Variants in CACNB2 observed in about 807,000 individuals in gnomAD.
CACNB2 encodes the protein calcium voltage-gated channel auxiliary subunit beta 2.
CACNB2 carries 42 observed loss-of-function variants against 73.3 expected under a neutral mutation model. That is an observed-to-expected ratio of 0.57 (90% confidence interval 0.45 to 0.74). The LOEUF is 0.74. Among genes scored for constraint, CACNB2 ranks in the 30% least tolerant of loss-of-function variants. CACNB2 has a pLI of 0.00. For missense variants in CACNB2, 940 were observed against 853.0 expected (o/e 1.10, Z -1.27); for synonymous variants, 348 against 310.3 (o/e 1.12, Z -1.28).
At chr10:18,190,422 T>C (rs532231387) in intron 2 of CACNB2, among the ~76,000 whole-genome samples, 9 of 152,176 alleles carry the variant, frequency 5.9e-5, no homozygotes, top group African/African-American at 2.2e-4. Context: ...GAGTGACCCT[T>C]CTGTGTAAGA....
chr10:18,535,655 C>A (rs1402580059), intron 11 of CACNB2, among the ~76,000 whole-genome samples: 3 of 139,472 alleles, frequency 2.2e-5, no homozygotes. Flanking sequence ...TGCCTGTAGT[C>A]CTAGCTACTT....
At chr10:18,349,826 A>C (rs777113363) in intron 2 of CACNB2, among the ~76,000 whole-genome samples, 4 of 152,224 alleles carry the variant, frequency 2.6e-5, no homozygotes, top group Non-Finnish European at 5.9e-5. Context: ...ATTGGCTCAA[A>C]TGGTAAATCC....
At chr10:18,326,411 T>C (rs555787296) in intron 2 of CACNB2, among the ~76,000 whole-genome samples, 6 of 152,346 alleles carry the variant, frequency 3.9e-5, no homozygotes, top group East Asian at 1.9e-4. Context: ...GTTCTGCTCT[T>C]TTTTGGTAAC....
intron 2 of CACNB2, among the ~76,000 whole-genome samples, chr10:18,164,012 G>A (rs1358430171): frequency 6.6e-6 from 1 of 152,126 alleles, no homozygotes; most frequent in Non-Finnish European, 1.5e-5. Context: ...ATGTTTTGAG[G>A]GCCAAAGGGC....
chr10:18,511,754 G>A (rs1244601788), intron 6 of CACNB2, among the ~76,000 whole-genome samples: 1 of 152,150 alleles, frequency 6.6e-6, no homozygotes, highest in Admixed American at 6.5e-5. Flanking sequence ...TGACCCCATT[G>A]AGGATGTGAA....
intron 1 of CACNB2, 82 bp downstream of exon 1, chr10:18,140,938 T>G (rs545521279): frequency 6.5e-7 from 1 of 1,536,488 alleles, no homozygotes; most frequent in African/African-American, 1.4e-5. Flanking sequence ...GCGCCTCCAC[T>G]GCAGGGATCT....
At chr10:18,468,142 A>G (rs746620600) in intron 3 of CACNB2, among the ~76,000 whole-genome samples, 4 of 151,896 alleles carry the variant, frequency 2.6e-5, no homozygotes, top group Non-Finnish European at 4.4e-5. Flanking sequence ...TCAAACACCA[A>G]TTTTTCTCAG....
chr10:18,159,631 G>A (rs1185094823), intron 2 of CACNB2, among the ~76,000 whole-genome samples: 2 of 152,106 alleles, frequency 1.3e-5, no homozygotes, highest in African/African-American at 4.8e-5. Context: ...TGCATTTTTG[G>A]ATCTTTTATA....
intron 2 of CACNB2, among the ~76,000 whole-genome samples, chr10:18,208,885 G>A (rs1158138732): frequency 3.9e-5 from 6 of 152,136 alleles, no homozygotes; most frequent in South Asian, 4.1e-4. Context: ...GAACTGATGC[G>A]TATACATCCA....
At chr10:18,347,680 C>T (rs2041525335) in intron 2 of CACNB2, among the ~76,000 whole-genome samples, 1 of 152,010 alleles carries the variant, frequency 6.6e-6, no homozygotes, top group African/African-American at 2.4e-5. Context: ...ATAGCTGTCC[C>T]TAGTTTTGTC....
At chr10:18,262,501 G>A (rs780817330) in intron 2 of CACNB2, among the ~76,000 whole-genome samples, 4 of 152,148 alleles carry the variant, frequency 2.6e-5, no homozygotes, top group African/African-American at 4.8e-5. Context: ...GGAGGAGTCA[G>A]GTAGCCAGCC....
chr10:18,240,895 G>T (rs567352657), intron 2 of CACNB2, among the ~76,000 whole-genome samples: 1 of 151,970 alleles, frequency 6.6e-6, no homozygotes, highest in Non-Finnish European at 1.5e-5. Context: ...TGTTTCCCAC[G>T]TGGCACTTAC....
chr10:18,306,855 G>T (rs2039748709), intron 2 of CACNB2, among the ~76,000 whole-genome samples: 2 of 152,112 alleles, frequency 1.3e-5, no homozygotes, highest in South Asian at 4.2e-4. Flanking sequence ...GCTAAGTGTA[G>T]GTTTATTTTA....
intron 2 of CACNB2, among the ~76,000 whole-genome samples, chr10:18,355,590 C>T (rs1241463436): frequency 3.3e-5 from 5 of 151,528 alleles, no homozygotes. Context: ...CTGCCATAAG[C>T]CCAGCTGATT....
intron 2 of CACNB2, among the ~76,000 whole-genome samples, chr10:18,289,135 T>C (rs1276392363): frequency 6.6e-6 from 1 of 152,154 alleles, no homozygotes; most frequent in African/African-American, 2.4e-5. Flanking sequence ...AAAAATTTCA[T>C]ATCTGCAACT....
intron 1 of CACNB2, 151 bp downstream of exon 1, chr10:18,141,007 G>A (rs1028806312): frequency 3.3e-6 from 5 of 1,524,734 alleles, no homozygotes; most frequent in Non-Finnish European, 4.4e-6. Context: ...TCCTGGCGCC[G>A]GGGACCCTGC....
intron 2 of CACNB2, among the ~76,000 whole-genome samples, chr10:18,244,894 G>A (rs574696354): frequency 4.7e-4 from 72 of 152,338 alleles, no homozygotes; most frequent in African/African-American, 1.7e-3. Context: ...TTGAGTAGAA[G>A]AGACAGATAG....
At chr10:18,220,144 T>TAC (rs1363218499) in intron 2 of CACNB2, among the ~76,000 whole-genome samples, 180 of 38,946 alleles carry the variant, frequency 4.6e-3, no homozygotes, top group Non-Finnish European at 6.2e-3. Context: ...TATATATATA[T>TAC]ATATATATAT....
chr10:18,293,804 G>C (rs1421610128), intron 2 of CACNB2, among the ~76,000 whole-genome samples: 1 of 152,190 alleles, frequency 6.6e-6, no homozygotes, highest in African/African-American at 2.4e-5. Context: ...GGTGTGTGCT[G>C]ATTATGCAGT....
Sources: allele counts gnomAD v4.1 joint callset (sites outside exome capture counted in the v4.1 genomes callset), GRCh38; gene constraint gnomAD v4.1.1; transcripts MANE v1.5; gene names NCBI Gene and HGNC (gene_info 2026-07-23, HGNC 2026-07-21).